PTPN2: variants seen among roughly 807,000 people sequenced by gnomAD.
PTPN2 encodes protein tyrosine phosphatase non-receptor type 2.
Under a neutral mutation model 57.3 loss-of-function variants are expected in PTPN2, and 19 were observed. That is an observed-to-expected ratio of 0.33 (90% CI 0.23 to 0.49). The LOEUF is 0.49. Among genes scored for constraint, PTPN2 ranks in the 20% least tolerant of loss-of-function variants. The pLI, the probability that PTPN2 is intolerant of heterozygous loss-of-function variation, is 0.99. For synonymous variants in PTPN2, 153 were observed against 164.9 expected (o/e 0.93, Z 0.55); for missense variants, 358 against 501.1 (o/e 0.71, Z 2.73).
At chr18:12,814,395 G>A (rs1330426052) in intron 6 of PTPN2, 40 bp from the exon 7 acceptor site, 4 of 1,524,370 alleles carry the variant, frequency 2.6e-6, no homozygotes, top group Non-Finnish European at 3.5e-6. Flanking sequence ...CTTGTTATTG[G>A]AACCCAGGAA....
intron 1 of PTPN2, among the ~76,000 whole-genome samples, chr18:12,874,408 G>T (rs1434262752): frequency 2.0e-5 from 3 of 149,238 alleles, no homozygotes. Flanking sequence ...GGAGGGAGGT[G>T]GGGGGATCAG....
intron 1 of PTPN2, among the ~76,000 whole-genome samples, chr18:12,879,182 A>C (rs1598904715): frequency 6.6e-6 from 1 of 152,198 alleles, no homozygotes; most frequent in Non-Finnish European, 1.5e-5. Flanking sequence ...TCTGTCACCT[A>C]GTCTGTAGTG....
At chr18:12,815,015 C>T (rs1192965982) in intron 6 of PTPN2, among the ~76,000 whole-genome samples, 1 of 151,642 alleles carries the variant, frequency 6.6e-6, no homozygotes, top group African/African-American at 2.4e-5. Flanking sequence ...ACCCAGGAGG[C>T]GGCGGTTGCA....
chr18:12,810,810 T>G (rs377523344), intron 7 of PTPN2, among the ~76,000 whole-genome samples: 1 of 152,128 alleles, frequency 6.6e-6, no homozygotes, highest in Non-Finnish European at 1.5e-5. Flanking sequence ...TCATGAGTAG[T>G]GGGGTAGAAC....
chr18:12,881,835 G>T (rs1237022957), intron 1 of PTPN2, among the ~76,000 whole-genome samples: 3 of 152,142 alleles, frequency 2.0e-5, no homozygotes, highest in Non-Finnish European at 4.4e-5. Flanking sequence ...TCACTTTAAC[G>T]TTTTCATCAG....
downstream of PTPN2, chr18:12,792,061 A>T: frequency 3.9e-6 from 1 of 258,330 alleles, no homozygotes; most frequent in Non-Finnish European, 6.1e-6. Flanking sequence ...ACACAGGTTT[A>T]ATGCAGACAG....
chr18:12,788,671 A>G (rs563733186), downstream of PTPN2, among the ~76,000 whole-genome samples: 2 of 152,170 alleles, frequency 1.3e-5, no homozygotes. Context: ...CACTCCTTAC[A>G]GTCGGCGATG....
downstream of PTPN2, among the ~76,000 whole-genome samples, chr18:12,789,045 TAC>T (rs982386955): frequency 2.0e-5 from 3 of 152,204 alleles, no homozygotes; most frequent in African/African-American, 7.2e-5. Context: ...CCACTGAGTG[TAC>T]AGTTTTGGAA....
At chr18:12,825,358 C>T (rs1234599762) in intron 5 of PTPN2, among the ~76,000 whole-genome samples, 1 of 152,098 alleles carries the variant, frequency 6.6e-6, no homozygotes, top group East Asian at 1.9e-4. Context: ...TGGGCATTTA[C>T]TAAGGTCAGG....
chr18:12,837,541 T>C (rs944394039), intron 2 of PTPN2, among the ~76,000 whole-genome samples: 2 of 152,198 alleles, frequency 1.3e-5, no homozygotes, highest in African/African-American at 2.4e-5. Flanking sequence ...AATTTAAATA[T>C]GTGAAATACA....
chr18:12,820,945 G>C (rs904943979), intron 5 of PTPN2, among the ~76,000 whole-genome samples: 2 of 152,212 alleles, frequency 1.3e-5, no homozygotes, highest in Admixed American at 6.5e-5. Flanking sequence ...TAACCTGTGA[G>C]TTGAGCAAGT....
intron 2 of PTPN2, chr18:12,839,566 T>C (rs2042977018): frequency 1.3e-5 from 2 of 152,084 alleles, no homozygotes; most frequent in South Asian, 4.1e-4. Flanking sequence ...GGGAGAAAAA[T>C]GAAGATAGTT....
intron 1 of PTPN2, chr18:12,862,332 T>A (rs935042136): frequency 1.2e-4 from 19 of 152,292 alleles, no homozygotes; most frequent in African/African-American, 4.6e-4. Context: ...CTAATTTTTG[T>A]ATTTCTAGTA....
At chr18:12,878,367 A>G (rs61156113) in intron 1 of PTPN2, among the ~76,000 whole-genome samples, 1 of 151,518 alleles carries the variant, frequency 6.6e-6, no homozygotes, top group Non-Finnish European at 1.5e-5. Flanking sequence ...GGAAAAAAAG[A>G]AAGAAAAAGA....
intron 8 of PTPN2, among the ~76,000 whole-genome samples, chr18:12,795,484 G>T (rs894561019): frequency 9.9e-5 from 15 of 152,002 alleles, no homozygotes; most frequent in African/African-American, 3.4e-4. Flanking sequence ...TTAGTGAGAT[G>T]ATGTTTCACC....
rs116295148 is a variant in PTPN2, at chr18:12,840,644, C to A, written c.161-3753G>T. The A allele has an allele frequency of 5.8e-6, 9 of 1,539,952 alleles. No homozygotes were observed. The Admixed American group carries it at 1.7e-4, about 28-fold the overall frequency. ...CCATCGCACTGTCACTCAGGGAAGT[C>A]AAGTCATCACAAGTGTAACACACTA... On this transcript the variant is annotated intron_variant, in intron 2 of 8. Transcript: ENST00000309660.
chr18:12,834,670 G>A (rs1398505628), intron 3 of PTPN2, among the ~76,000 whole-genome samples: 1 of 151,570 alleles, frequency 6.6e-6, no homozygotes, highest in African/African-American at 2.4e-5. Flanking sequence ...CCTATCTTAG[G>A]TTACAAAGGT....
At chr18:12,870,343 ATATATATGTGTATATATATGTG>A (rs1568168746) in intron 1 of PTPN2, among the ~76,000 whole-genome samples, 447 of 40,238 alleles carry the variant, frequency 0.011, 66 homozygotes, top group East Asian at 0.088. Context: ...ATATATATAC[ATATATATGTGTATATATATGTG>A]TATATATACA....
At chr18:12,815,129 T>C (rs868480060) in intron 6 of PTPN2, among the ~76,000 whole-genome samples, 1 of 125,426 alleles carries the variant, frequency 8.0e-6, no homozygotes, top group African/African-American at 2.8e-5. Context: ...AATAAATAAA[T>C]AAATAAAAAT....
Sources: gnomAD v4.1 joint callset for allele counts (sites outside exome capture counted in the v4.1 genomes callset) on GRCh38, gnomAD v4.1.1 for gene constraint, MANE v1.5 for transcripts, NCBI Gene and HGNC (gene_info 2026-07-23, HGNC 2026-07-21) for gene names.